LAIR1: variants seen among roughly 807,000 people sequenced by gnomAD.
The protein encoded by LAIR1 is leukocyte-associated immunoglobulin-like receptor 1.
Under a neutral mutation model 32.8 loss-of-function variants are expected in LAIR1, and 24 were observed. The ratio of observed to expected loss-of-function variants is 0.73; its 90% CI spans 0.53 to 1.03. The LOEUF is 1.03. Ranked by LOEUF, LAIR1 falls within the 50% of genes least tolerant of loss-of-function variation. The probability of loss-of-function intolerance (pLI) is 0.00; values close to 1 mark genes in which losing one functional copy is unlikely to be tolerated. For missense variants in LAIR1, 355 were observed against 347.5 expected (o/e 1.02, Z -0.17); for synonymous variants, 150 against 140.5 (o/e 1.07, Z -0.48).
At chr19:54,370,709 TG>T (rs930664337), upstream of LAIR1, among the ~76,000 whole-genome samples, 37 of 151,264 alleles carry the variant, frequency 2.4e-4, no homozygotes, top group South Asian at 8.4e-4. Flanking sequence ...TTACCCAGGA[TG>T]GGGCTGAGGA....
intron 8 of LAIR1, 58 bp downstream of exon 8, chr19:54,356,172 A>T: frequency 3.8e-6 from 4 of 1,050,988 alleles, no homozygotes; most frequent in Non-Finnish European, 5.5e-6. Context: ...TTGCATCTGG[A>T]TTGGCACCAA....
chr19:54,363,838 C>T (rs1039014433), intron 2 of LAIR1, among the ~76,000 whole-genome samples: 20 of 152,074 alleles, frequency 1.3e-4, no homozygotes, highest in South Asian at 1.0e-3. Flanking sequence ...TACAAAGTTT[C>T]GAGTAGCCAG....
chr19:54,372,794 T>C (rs1337071879), upstream of LAIR1, among the ~76,000 whole-genome samples: 3 of 151,462 alleles, frequency 2.0e-5, 1 homozygote, highest in African/African-American at 7.3e-5. Flanking sequence ...GGCCTCCTTA[T>C]AAACTTCTCT....
chr19:54,362,610 G>A (rs1356720855), intron 2 of LAIR1, among the ~76,000 whole-genome samples: 1 of 152,176 alleles, frequency 6.6e-6, no homozygotes, highest in African/African-American at 2.4e-5. Context: ...TCAGCCTCCT[G>A]AGTAGCTGGG....
upstream of LAIR1, among the ~76,000 whole-genome samples, chr19:54,371,766 G>A (rs1160280858): frequency 1.3e-5 from 2 of 151,462 alleles, no homozygotes; most frequent in Non-Finnish European, 2.9e-5. Flanking sequence ...CTCTTCATTT[G>A]TTCCTGCGTT....
rs1272775557 is a variant in LAIR1 at position 54,353,237 on chromosome 19, GAGAC to G, written c.*2027_*2030del. 6.6e-6 allele frequency: 1 copy of G among 152,174 alleles called. No individual in the cohort carries two copies. Among genetic ancestry groups the G allele is most frequent in the African/African-American group, 2.4e-5 (1 of 41,400 alleles). The allele number at this position is 152,174 out of a possible 1,614,324, so 9.4% of individuals were successfully genotyped here. On this transcript the variant is annotated 3_prime_UTR_variant, in exon 10 of 10. Coordinates refer to ENST00000391742, the MANE Select transcript of LAIR1 (RefSeq NM_002287.6). ...AAAGACAGAAAGAGAGACAGGGACA[GAGAC>G]AGACAGAGCAGGGAGAATGTGTCCC...
rs1184319076 is a variant in LAIR1 at position 54,364,015 on chromosome 19, T to TAATATTTCC, written c.70+279_70+280insGGAAATATT. Among the ~76,000 whole-genome samples the TAATATTTCC allele has an allele frequency of 3.3e-5, 5 of 152,218 alleles. No individual in the cohort carries two copies. Among genetic ancestry groups the TAATATTTCC allele is most frequent in the African/African-American group, 1.2e-4 (5 of 41,444 alleles). On this transcript the variant is annotated intron_variant, in intron 2 of 9. Transcript: ENST00000391742. This position sits in a 1 kb window ranked among gnomAD's most constrained non-coding sequence, Gnocchi z 4.8. ...CTTTATTTAATCTTTCCACAATGTG[T>TAATATTTCC]ACATACGTCATAATATCACACTGTA...
At position 54,355,529 on chromosome 19, in the gene LAIR1, T is replaced by C; in HGVS notation, c.718-115A>G. 1.1e-6 allele frequency: 1 copy of C among 926,286 alleles called. No individual in the cohort carries two copies. Among genetic ancestry groups the C allele is most frequent in the Non-Finnish European group, 1.6e-6 (1 of 629,522 alleles). 57.4% of individuals were successfully genotyped at this position (926,286 alleles called of 1,614,324 possible). ...TGGGCCCTGAGGACCCTCTCCTAAATTGCATCCGTGTGAAGAGCCCTCCCA... is the reference window on the plus strand; with the variant it reads ...TGGGCCCTGAGGACCCTCTCCTAAACTGCATCCGTGTGAAGAGCCCTCCCA... On this transcript the variant is annotated intron_variant, in intron 9 of 9. Coordinates refer to ENST00000391742, the MANE Select transcript of LAIR1 (RefSeq NM_002287.6). This position sits in a 1 kb window ranked among gnomAD's most constrained non-coding sequence, Gnocchi z 4.7.
intron 4 of LAIR1, chr19:54,358,150 G>T (rs111219893): frequency 7.1e-6 from 1 of 141,252 alleles, no homozygotes; most frequent in African/African-American, 2.6e-5. Context: ...ATTTATATTT[G>T]ATATAAACCT....
rs1393303157 is a variant in LAIR1 at position 54,355,229 on chromosome 19, C to G, written c.*39G>C. 19 of 1,516,848 alleles carry G rather than the reference C, an allele frequency of 1.3e-5. No homozygotes were observed. Among genetic ancestry groups the G allele is most frequent in the Non-Finnish European group, 1.6e-5 (18 of 1,127,944 alleles). The allele number at this position is 1,516,848 out of a possible 1,614,324, so 94.0% of individuals were successfully genotyped here. A position where few individuals can be genotyped will look rare whatever the true frequency, so the allele number is the denominator to read the frequency against. Reference sequence around the variant, plus strand: ...CTGCTTCAGGCTTTTCCTAGAGTGACTTTCTACCCTCAGGTGCAGAGGCCA... The same window carrying G: ...CTGCTTCAGGCTTTTCCTAGAGTGAGTTTCTACCCTCAGGTGCAGAGGCCA... On this transcript the variant is annotated 3_prime_UTR_variant, in exon 10 of 10. Coordinates refer to ENST00000391742, the MANE Select transcript of LAIR1 (RefSeq NM_002287.6). The surrounding 1 kb of genome is among the most constrained non-coding windows in gnomAD (Gnocchi z 4.7).
At chr19:54,356,652 T>C in intron 5 of LAIR1, 33 bp from the exon 6 acceptor site, 1 of 1,609,570 alleles carries the variant, frequency 6.2e-7, no homozygotes, top group Non-Finnish European at 8.5e-7. Flanking sequence ...TTCAGCAGTG[T>C]GCATTTATTG....
At chr19:54,367,548 C>T (rs1360217550), upstream of LAIR1, among the ~76,000 whole-genome samples, 1 of 151,664 alleles carries the variant, frequency 6.6e-6, no homozygotes, top group Non-Finnish European at 1.5e-5. Context: ...AGATCGAGAC[C>T]ATCCTGGCTA....
chr19:54,357,680 T>TGGG (rs2081791321), intron 4 of LAIR1: 1 of 152,250 alleles, frequency 6.6e-6, no homozygotes, highest in Non-Finnish European at 1.5e-5. Flanking sequence ...GGTGGCTAAA[T>TGGG]GGGGTCCTGA....
In LAIR1 at chr19:54,364,592, T is replaced by C. The variant is rs947481927; in HGVS notation, c.34+179A>G. ...CCTCATCCCCACACCCGGGCCCCTG[T>C]TTTTAGGACAAGATCTTCTCTGATC... On this transcript the variant is annotated intron_variant, in intron 1 of 9. Transcript: ENST00000391742. This position sits in a 1 kb window ranked among gnomAD's most constrained non-coding sequence, Gnocchi z 4.8. 1.1e-4 allele frequency: 89 copies of C among 821,472 alleles called. No homozygotes were observed. Among genetic ancestry groups the C allele is most frequent in the Non-Finnish European group, 1.8e-4 (86 of 473,654 alleles). The allele number at this position is 821,472 out of a possible 1,614,324, so 50.9% of individuals were successfully genotyped here. A position where few individuals can be genotyped will look rare whatever the true frequency, so the allele number is the denominator to read the frequency against.
chr19:54,371,677 AAT>A (rs2082408962), upstream of LAIR1, among the ~76,000 whole-genome samples: 2 of 151,574 alleles, frequency 1.3e-5, 1 homozygote, highest in African/African-American at 4.9e-5. Flanking sequence ...AGCACGCATC[AAT>A]GTCTTCTTAA....
At chr19:54,357,056 T>A in intron 4 of LAIR1, 90 bp from the exon 5 acceptor site, 2 of 1,219,988 alleles carry the variant, frequency 1.6e-6, no homozygotes, top group South Asian at 2.6e-5. Flanking sequence ...TGTGGGGATC[T>A]CCCTTCACTC....
chr19:54,353,953 T>G lies in LAIR1; in HGVS notation c.*1315A>C, dbSNP rs981322099. On this transcript the variant is annotated 3_prime_UTR_variant, in exon 10 of 10. Transcript: ENST00000391742. ...TTTCACCGTGTTAGCCAGGATGGTC[T>G]CGATCTCCTGACCTCGTGATCCGCC... 2 of 151,160 alleles carry G rather than the reference T, an allele frequency of 1.3e-5. No homozygotes were observed. The highest frequency in any genetic ancestry group is 2.4e-5 in the African/African-American group (1 of 41,162). 9.4% of individuals were successfully genotyped at this position (151,160 alleles called of 1,614,324 possible).
chr19:54,369,036 T>C (rs1171190167), upstream of LAIR1, among the ~76,000 whole-genome samples: 1 of 151,044 alleles, frequency 6.6e-6, no homozygotes, highest in Non-Finnish European at 1.5e-5. Context: ...AAATTTAAAC[T>C]TGCAAAAGAG....
chr19:54,357,346 G>A (rs980394058), intron 4 of LAIR1: 4 of 187,250 alleles, frequency 2.1e-5, no homozygotes, highest in African/African-American at 7.0e-5. Flanking sequence ...TGCCCTCTGC[G>A]GATCTAGGCA....
Sources: allele counts gnomAD v4.1 joint callset (sites outside exome capture counted in the v4.1 genomes callset), GRCh38; gene constraint gnomAD v4.1.1; non-coding constraint Gnocchi (gnomAD v3.1); transcripts MANE v1.5; gene names NCBI Gene and HGNC (gene_info 2026-07-23, HGNC 2026-07-21).